The following OXSM variants were observed in gnomAD, a reference collection of about 807,000 sequenced individuals.
OXSM encodes 3-oxoacyl-[acyl-carrier-protein] synthase, mitochondrial.
OXSM carries 19 observed loss-of-function variants against 29.2 expected under a neutral mutation model. The observed-to-expected ratio is 0.65, with a 90% CI of 0.45 to 0.96. The LOEUF (loss-of-function observed/expected upper bound fraction) is 0.96. OXSM is among the 40% of genes least tolerant of loss of function. The probability of loss-of-function intolerance (pLI) is 0.00; values close to 1 mark genes in which losing one functional copy is unlikely to be tolerated. For synonymous variants in OXSM, 178 were observed against 197.1 expected, an observed-to-expected ratio of 0.90 and a Z score of 0.81; for missense variants, 554 against 551.3, an observed-to-expected ratio of 1.00 and a Z score of -0.05.
chr3:25,793,484 A>G (rs748330134), intron 2 of OXSM, among the ~76,000 whole-genome samples: 6 of 152,220 alleles, frequency 3.9e-5, no homozygotes, highest in Non-Finnish European at 7.3e-5. Context: ...TTAGGAACTA[A>G]AGGAAGATGA....
intron 2 of OXSM, 38 bp downstream of exon 2, chr3:25,792,035 A>T (rs1708770511): frequency 6.5e-7 from 1 of 1,550,084 alleles, no homozygotes; most frequent in African/African-American, 1.4e-5. Context: ...ATTTCTTCAA[A>T]TAAGACACTT....
At position 25,794,419 on chromosome 3, in the gene OXSM, G is replaced by T; in HGVS notation, c.1305G>T (p.Glu435Asp). 1 of 1,614,030 alleles carries T rather than the reference G, an allele frequency of 6.2e-7. No individual in the cohort carries two copies. The highest frequency in any genetic ancestry group is 8.5e-7 in the Non-Finnish European group (1 of 1,179,880). ...TAAAGGCACAGGAATGGAAAACTGA[G>T]AAAAGATTTATTGGCCTCACCAATT... ...VPLKAQEWKT[E>D]KRFIGLTNSF... is the part of the protein sequence containing the mutation. The change falls in exon 3 of 3, where the codon GAG (glutamate) becomes GAT (aspartate). Residue 435 changes from glutamate to aspartate, a missense_variant. Glu to Asp is a conservative substitution (Grantham distance 45). Transcript: ENST00000280701.
At position 25,794,176 on chromosome 3, in the gene OXSM, G is replaced by A; in HGVS notation, c.1062G>A (p.Leu354=). 1 of 1,614,202 alleles carries A rather than the reference G, an allele frequency of 6.2e-7. No homozygotes were observed. The highest frequency in any genetic ancestry group is 8.5e-7 in the Non-Finnish European group (1 of 1,180,016). Residue 354 remains leucine (L), a synonymous_variant, in exon 3 of 3, where the codon TTG becomes TTA. Transcript: ENST00000280701. ...YINAHATSTP[L]GDAAENKAIK... Reference sequence around the variant, plus strand: ...ATGCACATGCTACTTCCACACCATTGGGAGATGCTGCTGAAAACAAAGCTA... The same window carrying A: ...ATGCACATGCTACTTCCACACCATTAGGAGATGCTGCTGAAAACAAAGCTA...
Position 25,794,234 on chromosome 3 carries a change from C to T in OXSM, c.1120C>T (p.Leu374Phe). The change falls in exon 3 of 3, where the codon CTT (leucine) becomes TTT (phenylalanine). Residue 374 changes from leucine (L) to phenylalanine (F), a missense_variant. Coordinates refer to ENST00000280701, the MANE Select transcript of OXSM (RefSeq NM_017897.3). ...TCTCTTCAAAGACCATGCATATGCC[C>T]TTGCAGTTTCCTCAACTAAGGGAGC... is the stretch of plus-strand genomic sequence containing the variant. ...KHLFKDHAYA[L>F]AVSSTKGATG... 1 of 1,614,226 alleles carries T rather than the reference C, an allele frequency of 6.2e-7. No individual in the cohort carries two copies. The highest frequency in any genetic ancestry group is 8.5e-7 in the Non-Finnish European group (1 of 1,180,034).
chr3:25,790,201 T>A lies in OXSM; in HGVS notation c.-32+54T>A, dbSNP rs980601785. The A allele has an allele frequency of 2.7e-5, 12 of 437,812 alleles. 1 individual carries two copies. The highest frequency in any genetic ancestry group is 2.1e-5 in the Non-Finnish European group (5 of 243,562). The allele number at this position is 437,812 out of a possible 1,614,324, so 27.1% of individuals were successfully genotyped here. On this transcript the variant is annotated intron_variant, in intron 1 of 2. Transcript: ENST00000280701. ...CCTCCTTTCCTCCTTTACATTCAAA[T>A]CAAGTCGGGGTTGAATTTCGAGAGG... is the stretch of plus-strand genomic sequence containing the variant.
intron 2 of OXSM, among the ~76,000 whole-genome samples, chr3:25,792,390 T>A (rs779971206): frequency 6.6e-6 from 1 of 152,260 alleles, no homozygotes; most frequent in Admixed American, 6.5e-5. Flanking sequence ...AACAGGATTC[T>A]GTTCTTTTCA....
intron 1 of OXSM, chr3:25,790,766 T>C (rs1708723790): frequency 5.0e-6 from 2 of 398,400 alleles, no homozygotes; most frequent in East Asian, 8.2e-5. Context: ...AATCATCAAT[T>C]CATTTATTTG....
In OXSM at chr3:25,791,941, C is replaced by T. The variant is rs35215935; in HGVS notation, c.921C>T (p.Leu307=). 1.9e-6 allele frequency: 3 copies of T among 1,600,944 alleles called. No individual in the cohort carries two copies. Among genetic ancestry groups the T allele is most frequent in the Non-Finnish European group, 2.5e-6 (3 of 1,179,836 alleles). The change falls in exon 2 of 3, where the codon CTC becomes CTT. Residue 307 remains leucine (L), a synonymous_variant. Transcript: ENST00000280701. The part of the protein sequence containing the change: ...RIYAEVLGYG[L]SGDAGHITAP... ...ATGCAGAAGTTTTGGGCTATGGACT[C>T]TCAGGTGATGCTGGTCACATAACTG... is the stretch of plus-strand genomic sequence containing the variant.
chr3:25,790,111 C>A lies in OXSM; in HGVS notation c.-68C>A. On this transcript the variant is annotated 5_prime_UTR_variant, in exon 1 of 3. Coordinates refer to ENST00000280701, the MANE Select transcript of OXSM (RefSeq NM_017897.3). ...GTGCGCTCGAGAGCGTCATCGCCCC[C>A]GACTGTGGAGAAGTGTCCGGGGTAG... The A allele has an allele frequency of 1.7e-6, 1 of 584,206 alleles. No individual in the cohort carries two copies. The highest frequency in any genetic ancestry group is 3.0e-6 in the Non-Finnish European group (1 of 328,594). The allele number at this position is 584,206 out of a possible 1,614,324, so 36.2% of individuals were successfully genotyped here. A position where few individuals can be genotyped will look rare whatever the true frequency, so the allele number is the denominator to read the frequency against.
chr3:25,791,132 T>A lies in OXSM; in HGVS notation c.112T>A (p.Ser38Thr). The stretch of plus-strand genomic sequence containing the variant: ...GAAGTTTTTCGGAACTGTGCCAATA[T>A]CCAGATTGCATAGGCGAGTTGTCAT... ...KRKFFGTVPI[S>T]RLHRRVVITG... is the part of the protein sequence containing the mutation. Residue 38 changes from serine (S) to threonine (T), a missense_variant, in exon 2 of 3, where the codon TCC (serine) becomes ACC (threonine). Coordinates refer to ENST00000280701, the MANE Select transcript of OXSM (RefSeq NM_017897.3). 1 of 1,614,238 alleles carries A rather than the reference T, an allele frequency of 6.2e-7. No individual in the cohort carries two copies. Among genetic ancestry groups the A allele is most frequent in the South Asian group, 1.1e-5 (1 of 91,092 alleles).
intron 1 of OXSM, chr3:25,790,429 G>A (rs993917338): frequency 6.1e-6 from 1 of 162,918 alleles, no homozygotes; most frequent in Admixed American, 6.0e-5. Context: ...AAGTTTAGAG[G>A]AGTGGAAAGA....
chr3:25,791,528 A>G lies in OXSM; in HGVS notation c.508A>G (p.Lys170Glu), dbSNP rs752557791. 8 of 1,614,240 alleles carry G rather than the reference A, an allele frequency of 5.0e-6. No individual in the cohort carries two copies. The highest frequency in any genetic ancestry group is 6.8e-6 in the Non-Finnish European group (8 of 1,180,046). The change falls in exon 2 of 3, where the codon AAA becomes GAA. Residue 170 changes from lysine (K) to glutamate (E), a missense_variant. Physicochemically the swap from Lys to Glu is moderately conservative, Grantham distance 56. Transcript: ENST00000280701. ...VSETALNFQT[K>E]GYNKVSPFFV... ...TGAAACTGCTTTGAATTTTCAGACA[A>G]AAGGTTACAATAAAGTTAGCCCATT...
chr3:25,794,506 T>C lies in OXSM; in HGVS notation c.*12T>C, dbSNP rs1395788646. The C allele has an allele frequency of 1.3e-6, 2 of 1,536,622 alleles. No homozygotes were observed. Among genetic ancestry groups the C allele is most frequent in the Non-Finnish European group, 1.8e-6 (2 of 1,132,634 alleles). On this transcript the variant is annotated 3_prime_UTR_variant, in exon 3 of 3. Coordinates refer to ENST00000280701, the MANE Select transcript of OXSM (RefSeq NM_017897.3). ...TTGCTGGACTGTAGAACATATAATT[T>C]GTAATTAAATACTGATTTTTAAATG... is the stretch of plus-strand genomic sequence containing the variant.
chr3:25,793,805 T>C (rs1339341681), intron 2 of OXSM, among the ~76,000 whole-genome samples: 1 of 152,206 alleles, frequency 6.6e-6, no homozygotes, highest in Non-Finnish European at 1.5e-5. Context: ...CCAATGCAAA[T>C]AAATGAAATT....
chr3:25,791,854 A>C lies in OXSM; in HGVS notation c.834A>C (p.Glu278Asp), dbSNP rs150125529. 6.2e-6 allele frequency: 10 copies of C among 1,613,798 alleles called. No homozygotes were observed. The highest frequency in any genetic ancestry group is 8.5e-6 in the Non-Finnish European group (10 of 1,180,032). Residue 278 changes from glutamate to aspartate, a missense_variant, in exon 2 of 3, where the codon GAA becomes GAC. Physicochemically the swap from Glu to Asp is conservative, Grantham distance 45. Transcript: ENST00000280701. Reference sequence around the variant, plus strand: ...AGAGAGATGGTTTTGTAATGGGAGAAGGTGCAGCTGTGCTGGTGCTGGAAG... The same window carrying C: ...AGAGAGATGGTTTTGTAATGGGAGACGGTGCAGCTGTGCTGGTGCTGGAAG... ...HPKRDGFVMGEGAAVLVLEEY... is the reference protein window; with the variant it reads ...HPKRDGFVMGDGAAVLVLEEY...
At position 25,794,115 on chromosome 3, in the gene OXSM, A is replaced by T; in HGVS notation, c.1001A>T (p.Asp334Val). The change falls in exon 3 of 3, where the codon GAT (aspartate) becomes GTT (valine). Residue 334 changes from aspartate to valine, a missense_variant. Coordinates refer to ENST00000280701, the MANE Select transcript of OXSM (RefSeq NM_017897.3). Reference protein sequence around the residue: ...ALRCMAAALKDAGVQPEEISY... With the variant: ...ALRCMAAALKVAGVQPEEISY... ...AGGTGTATGGCTGCTGCTTTAAAAG[A>T]TGCAGGTGTGCAGCCTGAGGAGATA... is the stretch of plus-strand genomic sequence containing the variant. The T allele has an allele frequency of 6.2e-7, 1 of 1,613,250 alleles. No homozygotes were observed. Among genetic ancestry groups the T allele is most frequent in the East Asian group, 2.2e-5 (1 of 44,876 alleles).
At chr3:25,793,670 A>G (rs1708813829) in intron 2 of OXSM, among the ~76,000 whole-genome samples, 1 of 152,244 alleles carries the variant, frequency 6.6e-6, no homozygotes, top group Admixed American at 6.5e-5. Flanking sequence ...CAAGTTTTGA[A>G]TTTAAATGTG....
Position 25,794,281 on chromosome 3 carries a change from T to G in OXSM, c.1167T>G (p.Ala389=), listed in dbSNP as rs139733032. Residue 389 remains alanine (A), a synonymous_variant, in exon 3 of 3, where the codon GCT becomes GCG. Coordinates refer to ENST00000280701, the MANE Select transcript of OXSM (RefSeq NM_017897.3). ...GAGCAACAGGACATCTGCTGGGAGC[T>G]GCAGGGGCAGTCGAGGCAGCTTTTA... ...TKGATGHLLG[A]AGAVEAAFTT... is the part of the protein sequence containing the mutation. 1.9e-4 allele frequency: 313 copies of G among 1,614,240 alleles called. No homozygotes were observed. Among genetic ancestry groups the G allele is most frequent in the Non-Finnish European group, 2.4e-4 (287 of 1,180,030 alleles).
At chr3:25,794,011 T>C in intron 2 of OXSM, 81 bp from the exon 3 acceptor site, 3 of 1,239,316 alleles carry the variant, frequency 2.4e-6, no homozygotes, top group Non-Finnish European at 3.4e-6. Context: ...CCTACATTTG[T>C]TTCACATAAG....
Sources: allele counts gnomAD v4.1 joint callset (sites outside exome capture counted in the v4.1 genomes callset), GRCh38; gene constraint gnomAD v4.1.1; transcripts MANE v1.5; gene names NCBI Gene and HGNC (gene_info 2026-07-23, HGNC 2026-07-21).